SNX9: variants seen among roughly 807,000 people sequenced by gnomAD.
SNX9 encodes sorting nexin 9.
Under a neutral mutation model 89.4 loss-of-function variants are expected in SNX9, and 44 were observed. That is an observed-to-expected ratio of 0.49 (90% CI 0.39 to 0.63). SNX9 has a LOEUF of 0.63. SNX9 is among the 30% of genes least tolerant of loss of function. The pLI is 0.00. For synonymous variants in SNX9, 236 were observed against 247.8 expected, an observed-to-expected ratio of 0.95 and a Z score of 0.45; for missense variants, 578 against 736.1, an observed-to-expected ratio of 0.79 and a Z score of 2.49.
At chr6:157,846,808 A>G (rs951916663) in intron 1 of SNX9, among the ~76,000 whole-genome samples, 1 of 152,188 alleles carries the variant, frequency 6.6e-6, no homozygotes, top group Non-Finnish European at 1.5e-5. Context: ...GCACTTTGGG[A>G]GGCCAAGGCA....
At chr6:157,900,561 A>G (rs1783076096) in intron 5 of SNX9, among the ~76,000 whole-genome samples, 8 of 152,258 alleles carry the variant, frequency 5.3e-5, no homozygotes, top group Middle Eastern at 3.4e-3. Context: ...CCAACAATGC[A>G]CTGGATATAC....
At position 157,942,835 on chromosome 6, in the gene SNX9, G is replaced by A. The variant is rs760693330; in HGVS notation, c.1785G>A (p.Met595Ile). The A allele has an allele frequency of 6.0e-5, 97 of 1,613,716 alleles. No homozygotes were observed. The highest frequency in any genetic ancestry group is 7.7e-5 in the Non-Finnish European group (91 of 1,179,892). The change falls in exon 18 of 18, where the codon ATG becomes ATA. Residue 595 changes from methionine to isoleucine, a missense_variant. By Grantham distance (10) the Met-to-Ile change is conservative. Transcript: ENST00000392185. ...AGGCCCTCAGCCGCTTTCCAGTGAT[G>A]TAGGACAGAACGGGCCTTGAAGAGA... is the stretch of plus-strand genomic sequence containing the variant. The part of the protein sequence containing the change: ...LRQALSRFPV[M>I]
chr6:157,941,797 A>G (rs980959364), intron 17 of SNX9, among the ~76,000 whole-genome samples: 2 of 152,188 alleles, frequency 1.3e-5, no homozygotes, highest in African/African-American at 2.4e-5. Flanking sequence ...TACCTAATGC[A>G]TATTTGTGAA....
chr6:157,936,430 G>T (rs1284568326), intron 14 of SNX9, among the ~76,000 whole-genome samples: 11 of 152,114 alleles, frequency 7.2e-5, no homozygotes. Flanking sequence ...GATTGCTTGA[G>T]CCCGGGAAGT....
At chr6:157,891,593 A>G (rs1461039020) in intron 4 of SNX9, among the ~76,000 whole-genome samples, 2 of 152,210 alleles carry the variant, frequency 1.3e-5, no homozygotes, top group Non-Finnish European at 2.9e-5. Context: ...AGTCCTTGCC[A>G]CTTTATGCAA....
rs753406563 is a variant in SNX9 at position 157,896,821 on chromosome 6, C to T, written c.301-6C>T. The T allele has an allele frequency of 7.4e-6, 12 of 1,612,352 alleles. No individual in the cohort carries two copies. The highest frequency in any genetic ancestry group is 8.5e-6 in the Non-Finnish European group (10 of 1,179,700). ...AAATTCTCCTTCTTTTTACCCCTCTCAATAGGTTGGCAGTGGCAATGACCC... is the reference window on the plus strand; with the variant it reads ...AAATTCTCCTTCTTTTTACCCCTCTTAATAGGTTGGCAGTGGCAATGACCC... On this transcript the variant is annotated splice_polypyrimidine_tract_variant and splice_region_variant and intron_variant, in intron 4 of 17. Transcript: ENST00000392185.
chr6:157,825,763 G>T (rs1298415069), intron 1 of SNX9, among the ~76,000 whole-genome samples: 1 of 152,136 alleles, frequency 6.6e-6, no homozygotes. Context: ...TCAAACCAAA[G>T]TCTCATTTTT....
chr6:157,901,955 A>G lies in SNX9; in HGVS notation c.530A>G (p.Tyr177Cys). 6.2e-7 allele frequency: 1 copy of G among 1,612,996 alleles called. No homozygotes were observed. Among genetic ancestry groups the G allele is most frequent in the Non-Finnish European group, 8.5e-7 (1 of 1,179,778 alleles). Residue 177 changes from tyrosine to cysteine, a missense_variant, in exon 6 of 18, where the codon TAC (tyrosine) becomes TGC (cysteine). Coordinates refer to ENST00000392185, the MANE Select transcript of SNX9 (RefSeq NM_016224.5). The part of the protein sequence containing the change: ...EDWDGPKSSS[Y>C]FKDSESADAG... ...TGGGATGGGCCCAAATCCTCTTCCT[A>G]CTTTAAGGATTCAGAGTCAGCTGAT...
chr6:157,885,215 C>T (rs1782709218), intron 4 of SNX9: 1 of 152,170 alleles, frequency 6.6e-6, no homozygotes, highest in Admixed American at 6.5e-5. Context: ...AATAATTTCA[C>T]CTCTTTTGGT....
chr6:157,824,012 AT>A (rs1781293620), intron 1 of SNX9, among the ~76,000 whole-genome samples: 1 of 151,988 alleles, frequency 6.6e-6, no homozygotes, highest in Non-Finnish European at 1.5e-5. Context: ...CGCTGCTGTT[AT>A]TTTTTTCTTT....
intron 1 of SNX9, among the ~76,000 whole-genome samples, chr6:157,857,176 T>C (rs1583202125): frequency 6.6e-6 from 1 of 152,234 alleles, no homozygotes; most frequent in East Asian, 1.9e-4. Context: ...TTGTGGTCAT[T>C]ATCCCTATTG....
intron 1 of SNX9, among the ~76,000 whole-genome samples, chr6:157,847,106 C>T (rs1402477163): frequency 5.3e-5 from 8 of 152,042 alleles, no homozygotes. Context: ...GGAGAGTCTG[C>T]AGGTTTTTGT....
rs1783825661 is a variant in SNX9, at chr6:157,932,238, T to C, written c.1332T>C (p.Ser444=). The change falls in exon 13 of 18, where the codon AGT becomes AGC. Residue 444 remains serine, a synonymous_variant. Coordinates refer to ENST00000392185, the MANE Select transcript of SNX9 (RefSeq NM_016224.5). The part of the protein sequence containing the change: ...EYQKIGKALQ[S]LATVFSSSGY... ...AGAAGATAGGAAAGGCCTTGCAGAG[T>C]TTGGCCACAGTGTTCAGTTCCAGTG... 1 of 1,614,036 alleles carries C rather than the reference T, an allele frequency of 6.2e-7. No individual in the cohort carries two copies. Among genetic ancestry groups the C allele is most frequent in the African/African-American group, 1.3e-5 (1 of 74,908 alleles).
At chr6:157,905,450 C>G (rs927532941) in intron 6 of SNX9, among the ~76,000 whole-genome samples, 39 of 152,134 alleles carry the variant, frequency 2.6e-4, no homozygotes, top group African/African-American at 9.2e-4. Flanking sequence ...TAGCTGTCCT[C>G]TAATTTCAGA....
At chr6:157,836,813 G>A (rs544884736) in intron 1 of SNX9, among the ~76,000 whole-genome samples, 3 of 151,906 alleles carry the variant, frequency 2.0e-5, no homozygotes. Flanking sequence ...GGATGGTCTC[G>A]ATCTCCTGAC....
At chr6:157,862,660 CTTTT>C (rs1379490313) in intron 1 of SNX9, among the ~76,000 whole-genome samples, 3 of 152,116 alleles carry the variant, frequency 2.0e-5, no homozygotes, top group Admixed American at 6.6e-5. Flanking sequence ...CCCATATGAA[CTTTT>C]TTTATTGCCA....
At chr6:157,844,814 T>G (rs1242698627) in intron 1 of SNX9, among the ~76,000 whole-genome samples, 2 of 152,018 alleles carry the variant, frequency 1.3e-5, no homozygotes, top group African/African-American at 4.8e-5. Context: ...AGGCTGGTCT[T>G]GAACTCCTGA....
chr6:157,882,178 C>T (rs367623022), intron 4 of SNX9, among the ~76,000 whole-genome samples: 13 of 152,276 alleles, frequency 8.5e-5, no homozygotes, highest in South Asian at 2.1e-4. Flanking sequence ...TAGAATTATG[C>T]GGAATCTACT....
intron 4 of SNX9, among the ~76,000 whole-genome samples, chr6:157,883,309 A>C (rs1191520223): frequency 6.6e-6 from 1 of 152,226 alleles, no homozygotes; most frequent in African/African-American, 2.4e-5. Flanking sequence ...AAAAAAGTCC[A>C]CATGACTCAC....
Sources: gnomAD v4.1 joint callset for allele counts (sites outside exome capture counted in the v4.1 genomes callset) on GRCh38, gnomAD v4.1.1 for gene constraint, MANE v1.5 for transcripts, NCBI Gene and HGNC (gene_info 2026-07-23, HGNC 2026-07-21) for gene names.